Variants in NELL1 observed in about 807,000 individuals in gnomAD.
NELL1 encodes protein kinase C-binding protein NELL1.
Under a neutral mutation model 107.4 loss-of-function variants are expected in NELL1, and 76 were observed. The ratio of observed to expected loss-of-function variants is 0.71; its 90% CI spans 0.59 to 0.86. The LOEUF is 0.86. NELL1 is among the 40% of genes least tolerant of loss of function. NELL1 has a pLI of 0.00. For missense variants in NELL1, 1,024 were observed against 1,005.5 expected (o/e 1.02, Z -0.25); for synonymous variants, 353 against 341.2 (o/e 1.03, Z -0.38).
rs769140462 is a variant in NELL1 at position 20,960,544 on chromosome 11, C to T, written c.1284C>T (p.Asp428=). The change falls in exon 12 of 20, where the codon GAC becomes GAT. Residue 428 remains aspartate, a synonymous_variant. Coordinates refer to ENST00000357134, the MANE Select transcript of NELL1 (RefSeq NM_006157.5). ...CKSGYISVQG[D]SAYCEDIDEC... ...GTGGTTACATCTCTGTCCAGGGAGA[C>T]TCTGCCTACTGTGAAGGTAAGTAAG... is the stretch of plus-strand genomic sequence containing the variant. The T allele has an allele frequency of 6.2e-7, 1 of 1,613,872 alleles. No homozygotes were observed. Among genetic ancestry groups the T allele is most frequent in the East Asian group, 2.2e-5 (1 of 44,878 alleles).
intron 15 of NELL1, among the ~76,000 whole-genome samples, chr11:21,403,541 C>T (rs1852149084): frequency 6.8e-6 from 1 of 147,908 alleles, no homozygotes; most frequent in South Asian, 2.2e-4. Context: ...GGCTGCCTGC[C>T]ATCCCAGGCA....
At chr11:21,199,672 A>T (rs1857224543) in intron 13 of NELL1, among the ~76,000 whole-genome samples, 1 of 152,102 alleles carries the variant, frequency 6.6e-6, no homozygotes, top group Non-Finnish European at 1.5e-5. Context: ...TTATACTTCA[A>T]GTGTTGGGGT....
intron 12 of NELL1, among the ~76,000 whole-genome samples, chr11:21,034,611 G>A (rs1589016): frequency 0.33 from 49,540 of 151,932 alleles, 8,901 homozygotes; most frequent in African/African-American, 0.48. Flanking sequence ...AAACCATACA[G>A]TTACATGGAA....
At chr11:20,823,692 T>C (rs1041841640) in intron 3 of NELL1, among the ~76,000 whole-genome samples, 3 of 151,160 alleles carry the variant, frequency 2.0e-5, no homozygotes, top group Admixed American at 6.7e-5. Context: ...GTGATTCTAA[T>C]GCAAATACTC....
intron 2 of NELL1, among the ~76,000 whole-genome samples, chr11:20,780,044 TC>T (rs1391844308): frequency 1.3e-5 from 2 of 152,200 alleles, no homozygotes; most frequent in Non-Finnish European, 2.9e-5. Context: ...TGAAAGGGCT[TC>T]TCTGAGAGTG....
intron 14 of NELL1, among the ~76,000 whole-genome samples, chr11:21,299,707 C>T (rs145749430): frequency 9.9e-5 from 15 of 151,796 alleles, no homozygotes; most frequent in Middle Eastern, 3.4e-3. Context: ...TGGTCTTCAT[C>T]GCAACTATTT....
At chr11:21,148,504 G>C (rs11025946) in intron 13 of NELL1, among the ~76,000 whole-genome samples, 1 of 152,192 alleles carries the variant, frequency 6.6e-6, no homozygotes, top group Non-Finnish European at 1.5e-5. Flanking sequence ...TTGAAGTCAA[G>C]CTGCCTCTGC....
chr11:21,241,401 G>A (rs1858355024), intron 14 of NELL1, among the ~76,000 whole-genome samples: 1 of 152,102 alleles, frequency 6.6e-6, no homozygotes, highest in Non-Finnish European at 1.5e-5. Flanking sequence ...ACCTGGTTGG[G>A]TGCCATATTG....
At chr11:20,738,727 T>G (rs1855819935) in intron 2 of NELL1, among the ~76,000 whole-genome samples, 1 of 152,188 alleles carries the variant, frequency 6.6e-6, no homozygotes, top group South Asian at 2.1e-4. Context: ...CCCAGGGTAT[T>G]GTGAATCACC....
At chr11:21,041,560 C>T (rs1404077016) in intron 12 of NELL1, among the ~76,000 whole-genome samples, 1 of 152,106 alleles carries the variant, frequency 6.6e-6, no homozygotes, top group Non-Finnish European at 1.5e-5. Flanking sequence ...GTGTAAGTTG[C>T]TCTGTAAGAC....
chr11:20,827,491 C>G (rs1330158757), intron 3 of NELL1, among the ~76,000 whole-genome samples: 2 of 151,244 alleles, frequency 1.3e-5, no homozygotes, highest in African/African-American at 2.4e-5. Context: ...AGCTCTTCTT[C>G]TAGTGGAAAG....
At chr11:21,444,563 A>G (rs11026085) in intron 15 of NELL1, among the ~76,000 whole-genome samples, 8,589 of 152,134 alleles carry the variant, frequency 0.056, 657 homozygotes, top group African/African-American at 0.17. Context: ...CTATAAAATA[A>G]TCCATCTTAT....
At chr11:21,138,148 G>T (rs148443278) in intron 13 of NELL1, among the ~76,000 whole-genome samples, 1 of 151,942 alleles carries the variant, frequency 6.6e-6, no homozygotes, top group Non-Finnish European at 1.5e-5. Context: ...TTATTCCCTC[G>T]GTGCTCTTGG....
chr11:21,478,360 A>G (rs1854402267), intron 15 of NELL1, among the ~76,000 whole-genome samples: 1 of 152,090 alleles, frequency 6.6e-6, no homozygotes, highest in African/African-American at 2.4e-5. Flanking sequence ...TCTCTCCCAA[A>G]TCTCATGTCC....
intron 16 of NELL1, among the ~76,000 whole-genome samples, chr11:21,559,190 T>G (rs941366495): frequency 1.3e-5 from 2 of 152,116 alleles, no homozygotes; most frequent in Non-Finnish European, 2.9e-5. Flanking sequence ...AACTTGTGCA[T>G]AGCAGGTAAA....
At chr11:21,020,176 T>C (rs911037564) in intron 12 of NELL1, among the ~76,000 whole-genome samples, 1 of 152,148 alleles carries the variant, frequency 6.6e-6, no homozygotes, top group Admixed American at 6.6e-5. Context: ...GAATGGTACT[T>C]GGCACTTAGT....
intron 15 of NELL1, among the ~76,000 whole-genome samples, chr11:21,460,095 G>A (rs1367691831): frequency 6.6e-6 from 1 of 152,066 alleles, no homozygotes; most frequent in East Asian, 1.9e-4. Flanking sequence ...AGGATGTGAT[G>A]GGATAGGGGT....
At chr11:21,459,143 T>C (rs565009308) in intron 15 of NELL1, among the ~76,000 whole-genome samples, 2 of 152,010 alleles carry the variant, frequency 1.3e-5, no homozygotes, top group African/African-American at 4.8e-5. Flanking sequence ...GGACTTAAAA[T>C]GTATAGGGTA....
intron 12 of NELL1, among the ~76,000 whole-genome samples, chr11:20,989,276 T>C (rs1472034476): frequency 6.6e-6 from 1 of 152,166 alleles, no homozygotes. Context: ...ATCCCAGCAG[T>C]TTGTTTGCAG....
Sources: allele counts gnomAD v4.1 joint callset (sites outside exome capture counted in the v4.1 genomes callset), GRCh38; gene constraint gnomAD v4.1.1; transcripts MANE v1.5; gene names NCBI Gene and HGNC (gene_info 2026-07-23, HGNC 2026-07-21).